SGCE: variants seen among roughly 807,000 people sequenced by gnomAD.
SGCE encodes the protein epsilon-sarcoglycan.
A neutral mutation model predicts 57.8 loss-of-function variants in SGCE; 26 were observed. The observed-to-expected ratio is 0.45, with a 90% CI of 0.33 to 0.62. The LOEUF is 0.62. Among genes scored for constraint, SGCE ranks in the 20% least tolerant of loss-of-function variants. The probability of loss-of-function intolerance (pLI) is 0.02; values close to 1 mark genes in which losing one functional copy is unlikely to be tolerated. For missense variants in SGCE, 468 were observed against 548.6 expected, an observed-to-expected ratio of 0.85 and a Z score of 1.47; for synonymous variants, 183 against 189.5, an observed-to-expected ratio of 0.97 and a Z score of 0.28.
chr7:94,631,963 G>A (rs977402967), intron 1 of SGCE, among the ~76,000 whole-genome samples: 1 of 151,954 alleles, frequency 6.6e-6, no homozygotes, highest in Non-Finnish European at 1.5e-5. Flanking sequence ...TTTCTCGGCA[G>A]CTAGAAGAGA....
At chr7:94,631,679 A>G (rs148725119) in intron 1 of SGCE, among the ~76,000 whole-genome samples, 38 of 152,054 alleles carry the variant, frequency 2.5e-4, no homozygotes, top group South Asian at 2.3e-3. Context: ...TTAAGTCAGT[A>G]ATGCTGGATC....
intron 5 of SGCE, among the ~76,000 whole-genome samples, chr7:94,614,107 CAAAAAAAAA>C (rs925650428): frequency 1.1e-5 from 1 of 94,964 alleles, no homozygotes; most frequent in African/African-American, 4.8e-5. Context: ...AAATTGAAAT[CAAAAAAAAA>C]AAAAAAAAAA....
intron 4 of SGCE, chr7:94,622,554 AG>A (rs1161762807): frequency 6.6e-6 from 1 of 151,782 alleles, no homozygotes; most frequent in Non-Finnish European, 1.5e-5. Context: ...ACCTGAACCC[AG>A]GAGGCGGAGG....
chr7:94,618,829 G>A lies in SGCE; in HGVS notation c.591C>T (p.Asn197=), dbSNP rs372968907. 319 of 1,614,010 alleles carry A rather than the reference G, an allele frequency of 2.0e-4. 6 individuals carry two copies. The South Asian group carries it at 2.9e-3, about 15-fold the overall frequency. The part of the protein sequence containing the change: ...VKNVWQPERL[N]AINITSALDR... ...CTAGGGCCGATGTGATGTTTATGGC[G>A]TTCAGGCGCTCTGGCTGCCACACAT... Residue 197 remains asparagine (N), a synonymous_variant, in exon 5 of 11, where the codon AAC becomes AAT. Coordinates refer to ENST00000648936, the MANE Select transcript of SGCE (RefSeq NM_003919.3).
intron 4 of SGCE, chr7:94,620,958 A>G (rs912903687): frequency 2.6e-5 from 4 of 152,264 alleles, no homozygotes; most frequent in Admixed American, 2.6e-4. Flanking sequence ...AGAGAACAGT[A>G]GGCCAACAGA....
At chr7:94,586,634 G>A (rs1289991451) in intron 10 of SGCE, 1 of 156,232 alleles carries the variant, frequency 6.4e-6, no homozygotes, top group Non-Finnish European at 1.4e-5. Flanking sequence ...CAAGTAGCTG[G>A]GATTACAGGT....
At chr7:94,587,639 A>G in intron 10 of SGCE, 1 of 1,454,296 alleles carries the variant, frequency 6.9e-7, no homozygotes, top group Non-Finnish European at 9.0e-7. Context: ...CTTACAAAGT[A>G]GCACCAACAC....
intron 9 of SGCE, among the ~76,000 whole-genome samples, chr7:94,591,046 C>T (rs899846122): frequency 6.6e-6 from 1 of 151,994 alleles, no homozygotes; most frequent in Non-Finnish European, 1.5e-5. Flanking sequence ...TTCATCCCGA[C>T]GATTATATTC....
At chr7:94,587,285 T>G in intron 10 of SGCE, 1 of 989,452 alleles carries the variant, frequency 1.0e-6, no homozygotes, top group Non-Finnish European at 1.2e-6. Context: ...CCTAATATCA[T>G]CTACTCAAGT....
chr7:94,614,130 A>C (rs968821214), intron 5 of SGCE, among the ~76,000 whole-genome samples: 24 of 150,584 alleles, frequency 1.6e-4, no homozygotes, highest in Admixed American at 9.3e-4. Context: ...AAAAAAAAAA[A>C]CACAGTAAAT....
intron 1 of SGCE, among the ~76,000 whole-genome samples, chr7:94,635,957 C>A (rs1805544959): frequency 6.6e-6 from 1 of 152,058 alleles, no homozygotes; most frequent in East Asian, 1.9e-4. Flanking sequence ...ATAGTCCATG[C>A]CTTGGCTGTG....
chr7:94,618,603 A>T, intron 5 of SGCE, 155 bp downstream of exon 5: 1 of 633,036 alleles, frequency 1.6e-6, no homozygotes, highest in Non-Finnish European at 2.7e-6. Context: ...CATCTTTGCC[A>T]ATATAGAAAA....
In SGCE at chr7:94,634,077, T is replaced by C. The variant is rs112178639; in HGVS notation, c.110-4236A>G. ...TTGAGAAGAAAGTCATAAAGTATTGTCAATATTTATGTCCGGGTGACTTTG... is the reference window on the plus strand; with the variant it reads ...TTGAGAAGAAAGTCATAAAGTATTGCCAATATTTATGTCCGGGTGACTTTG... On this transcript the variant is annotated intron_variant, in intron 1 of 10. Coordinates refer to ENST00000648936, the MANE Select transcript of SGCE (RefSeq NM_003919.3). 8.6e-3 allele frequency among the ~76,000 whole-genome samples: 1,304 copies of C among 152,290 alleles called. 26 individuals are homozygous for C. Among genetic ancestry groups the C allele is most frequent in the African/African-American group, 0.03 (1,241 of 41,562 alleles).
intron 4 of SGCE, 51 bp downstream of exon 4, chr7:94,623,274 A>AAG: frequency 8.7e-7 from 1 of 1,146,910 alleles, no homozygotes; most frequent in East Asian, 2.5e-5. Context: ...TATAAAACAT[A>AAG]ATGAAATACT....
At chr7:94,605,987 C>A (rs1235742814) in intron 5 of SGCE, among the ~76,000 whole-genome samples, 5 of 152,110 alleles carry the variant, frequency 3.3e-5, no homozygotes, top group Non-Finnish European at 5.9e-5. Flanking sequence ...CGCCACCACA[C>A]CCAGCTAATT....
At chr7:94,637,565 A>G (rs1420466410) in intron 1 of SGCE, among the ~76,000 whole-genome samples, 2 of 152,158 alleles carry the variant, frequency 1.3e-5, no homozygotes, top group Non-Finnish European at 2.9e-5. Flanking sequence ...TTGAAACAGG[A>G]AGAGACTGGC....
intron 5 of SGCE, among the ~76,000 whole-genome samples, chr7:94,616,195 AG>A: frequency 6.6e-6 from 1 of 152,326 alleles, no homozygotes; most frequent in Middle Eastern, 3.4e-3. Flanking sequence ...TTCAGGCAGT[AG>A]AACGGTAGTA....
At chr7:94,585,908 A>G (rs1796824149) in intron 10 of SGCE, among the ~76,000 whole-genome samples, 1 of 151,982 alleles carries the variant, frequency 6.6e-6, no homozygotes, top group African/African-American at 2.4e-5. Flanking sequence ...CATCAAACCT[A>G]ATGGTTTGGG....
intron 6 of SGCE, among the ~76,000 whole-genome samples, chr7:94,601,638 A>C (rs985875874): frequency 6.6e-6 from 1 of 152,102 alleles, no homozygotes; most frequent in Non-Finnish European, 1.5e-5. Context: ...GGGGAGAATT[A>C]GTTGCAGCAT....
Sources: gnomAD v4.1 joint callset for allele counts (sites outside exome capture counted in the v4.1 genomes callset) on GRCh38, gnomAD v4.1.1 for gene constraint, MANE v1.5 for transcripts, NCBI Gene and HGNC (gene_info 2026-07-23, HGNC 2026-07-21) for gene names.